Variants in PDE10A observed in about 807,000 individuals in gnomAD.
The protein encoded by PDE10A is phosphodiesterase 10A.
In PDE10A, 39 loss-of-function variants were observed where a neutral mutation model predicts 97.7. The ratio of observed to expected loss-of-function variants is 0.40; its 90% CI spans 0.31 to 0.52. The LOEUF is 0.52. Ranked by LOEUF, PDE10A falls within the 20% of genes least tolerant of loss-of-function variation. The pLI, the probability that PDE10A is intolerant of heterozygous loss-of-function variation, is 0.56. For missense variants in PDE10A, 731 were observed against 1,047.8 expected, an observed-to-expected ratio of 0.70 and a Z score of 4.17; for synonymous variants, 371 against 376.8, an observed-to-expected ratio of 0.98 and a Z score of 0.18.
rs551977712 is a variant in PDE10A at position 165,492,168 on chromosome 6, G to C, written c.995-9825C>G. On this transcript the variant is annotated intron_variant, in intron 2 of 21. Transcript: ENST00000539869. ...TCTAAGATAAAACCAGGAATAAACA[G>C]AAACTCTGAACAGACTAATAACAAG... Among the ~76,000 whole-genome samples, 248 of 152,202 alleles carry C rather than the reference G, an allele frequency of 1.6e-3. 1 individual carries two copies. Among genetic ancestry groups the C allele is most frequent in the South Asian group, 4.8e-3 (23 of 4,822 alleles).
At chr6:165,451,861 G>A (rs755367303) in intron 3 of PDE10A, among the ~76,000 whole-genome samples, 3 of 152,160 alleles carry the variant, frequency 2.0e-5, no homozygotes, top group Non-Finnish European at 2.9e-5. Flanking sequence ...ACGTAAATAA[G>A]GCAGGTTTTT....
chr6:165,928,714 C>T (rs1333963321), intron 1 of PDE10A, among the ~76,000 whole-genome samples: 1 of 145,244 alleles, frequency 6.9e-6, no homozygotes, highest in Non-Finnish European at 1.5e-5. Flanking sequence ...CACTCCCTCA[C>T]ATCCCCTCTC....
chr6:165,841,516 G>A (rs1180587540), intron 1 of PDE10A, among the ~76,000 whole-genome samples: 4 of 152,248 alleles, frequency 2.6e-5, no homozygotes, highest in Non-Finnish European at 5.9e-5. Context: ...CTTAACGTTA[G>A]CTCCAGCTCT....
At chr6:165,717,789 T>G (rs1792062489) in intron 1 of PDE10A, among the ~76,000 whole-genome samples, 1 of 152,220 alleles carries the variant, frequency 6.6e-6, no homozygotes, top group Admixed American at 6.5e-5. Flanking sequence ...TTTTATTTAT[T>G]GTTTTGTTTC....
intron 1 of PDE10A, among the ~76,000 whole-genome samples, chr6:165,975,426 G>A (rs1410312644): frequency 6.6e-6 from 1 of 152,136 alleles, no homozygotes; most frequent in South Asian, 2.1e-4. Flanking sequence ...GCAACATAGC[G>A]AGACCTCATC....
chr6:165,677,344 C>G (rs1301846676), intron 1 of PDE10A, among the ~76,000 whole-genome samples: 2 of 152,218 alleles, frequency 1.3e-5, no homozygotes, highest in East Asian at 1.9e-4. Flanking sequence ...TGCAGCTTTT[C>G]CACATGCCAG....
At chr6:165,474,224 G>A (rs1779171453) in intron 3 of PDE10A, among the ~76,000 whole-genome samples, 1 of 152,278 alleles carries the variant, frequency 6.6e-6, no homozygotes, top group African/African-American at 2.4e-5. Flanking sequence ...AAGCAGTATT[G>A]TAAGAACAGA....
At chr6:165,710,077 C>G (rs1274448108) in intron 1 of PDE10A, among the ~76,000 whole-genome samples, 1 of 152,060 alleles carries the variant, frequency 6.6e-6, no homozygotes. Flanking sequence ...GACGCCTGCT[C>G]TTCTCTCCAC....
chr6:165,587,135 C>A (rs1328376), intron 1 of PDE10A, among the ~76,000 whole-genome samples: 123,607 of 152,040 alleles, frequency 0.81, 52,573 homozygotes, highest in Non-Finnish European at 0.95. Context: ...GAGTTTCTGA[C>A]GGGCAGAGAT....
chr6:165,779,592 A>C (rs1778291100), intron 1 of PDE10A, among the ~76,000 whole-genome samples: 1 of 152,232 alleles, frequency 6.6e-6, no homozygotes. Flanking sequence ...CTTGCTTTTA[A>C]AATATTGTTT....
chr6:165,469,872 A>T (rs927957147), intron 3 of PDE10A, among the ~76,000 whole-genome samples: 6 of 152,146 alleles, frequency 3.9e-5, no homozygotes, highest in African/African-American at 1.4e-4. Flanking sequence ...GGACCATTCA[A>T]AGCCCACCAC....
intron 3 of PDE10A, among the ~76,000 whole-genome samples, chr6:165,460,182 C>G (rs1211570696): frequency 6.6e-6 from 1 of 152,174 alleles, no homozygotes; most frequent in Admixed American, 6.5e-5. Flanking sequence ...GGGGAACCCC[C>G]ACAAAAGGTC....
intron 1 of PDE10A, among the ~76,000 whole-genome samples, chr6:165,722,311 C>T (rs1439402240): frequency 6.6e-6 from 1 of 152,104 alleles, no homozygotes; most frequent in Non-Finnish European, 1.5e-5. Context: ...TAATGACAGC[C>T]CAAGTTTTAG....
intron 1 of PDE10A, among the ~76,000 whole-genome samples, chr6:165,656,799 G>T (rs1261160411): frequency 6.6e-6 from 1 of 152,178 alleles, no homozygotes; most frequent in African/African-American, 2.4e-5. Context: ...AGGCCGTCTG[G>T]TTCTCACTGT....
chr6:165,633,010 G>T (rs533176159), intron 1 of PDE10A, among the ~76,000 whole-genome samples: 4 of 151,304 alleles, frequency 2.6e-5, no homozygotes, highest in African/African-American at 9.7e-5. Flanking sequence ...CAATATGCTG[G>T]AAGAGATTCC....
At chr6:165,351,761 A>C (rs1009509873) in intron 18 of PDE10A, among the ~76,000 whole-genome samples, 9 of 152,218 alleles carry the variant, frequency 5.9e-5, no homozygotes, top group African/African-American at 1.9e-4. Context: ...TTAGCTCAAC[A>C]TGTGTTAGCT....
At chr6:165,753,328 T>C (rs902489584) in intron 1 of PDE10A, among the ~76,000 whole-genome samples, 3 of 152,192 alleles carry the variant, frequency 2.0e-5, no homozygotes, top group African/African-American at 7.2e-5. Context: ...CTCTTCACAA[T>C]GATCCCCGTA....
chr6:165,410,038 C>A (rs920041336), intron 13 of PDE10A, among the ~76,000 whole-genome samples: 15 of 152,034 alleles, frequency 9.9e-5, no homozygotes, highest in Non-Finnish European at 1.9e-4. Context: ...TCAAGGGATA[C>A]ATGGACAAAT....
intron 1 of PDE10A, among the ~76,000 whole-genome samples, chr6:165,768,086 A>G (rs1777912751): frequency 6.6e-6 from 1 of 152,180 alleles, no homozygotes; most frequent in South Asian, 2.1e-4. Context: ...CGTCTTCTTT[A>G]GAGAAATGTC....
Sources: gnomAD v4.1 joint callset for allele counts (sites outside exome capture counted in the v4.1 genomes callset) on GRCh38, gnomAD v4.1.1 for gene constraint, MANE v1.5 for transcripts, NCBI Gene and HGNC (gene_info 2026-07-23, HGNC 2026-07-21) for gene names.